DCAF1: variants seen among roughly 807,000 people sequenced by gnomAD.
The protein encoded by DCAF1 is DDB1- and CUL4-associated factor 1.
Under a neutral mutation model 128.0 loss-of-function variants are expected in DCAF1, and 15 were observed. That is an observed-to-expected ratio of 0.12 (90% CI 0.08 to 0.18). The LOEUF (loss-of-function observed/expected upper bound fraction) is 0.18. Ranked by LOEUF, DCAF1 falls within the 10% of genes least tolerant of loss-of-function variation. The pLI is 1.00. For missense variants in DCAF1, 988 were observed against 1,649.5 expected (o/e 0.60, Z 6.95); for synonymous variants, 610 against 603.0 (o/e 1.01, Z -0.17).
At chr3:51,486,811 TTTAGTAGAGATAGA>T (rs1460526566) in intron 2 of DCAF1, among the ~76,000 whole-genome samples, 1 of 151,848 alleles carries the variant, frequency 6.6e-6, no homozygotes, top group East Asian at 1.9e-4. Context: ...TTTTTGTATT[TTTAGTAGAGATAGA>T]GTTTCACCAT....
intron 2 of DCAF1, among the ~76,000 whole-genome samples, chr3:51,486,105 T>A (rs1010575050): frequency 5.9e-5 from 9 of 152,006 alleles, no homozygotes; most frequent in Admixed American, 5.3e-4. Flanking sequence ...TTAGCCAGGA[T>A]GGTCTCAATC....
Position 51,419,796 on chromosome 3 carries a change from T to C in DCAF1, c.3174A>G (p.Ala1058=). ...CCACCCCTCCATACTTTGGAAATGA[T>C]GCCCTGCGGTTTAGCCTTGACGTAA... ...INFTSRLNRR[A]SFPKYGGVDG... The change falls in exon 15 of 25, where the codon GCA becomes GCG. Residue 1058 remains alanine (A), a synonymous_variant. Transcript: ENST00000684031. 2 of 1,614,048 alleles carry C rather than the reference T, an allele frequency of 1.2e-6. No individual in the cohort carries two copies. Among genetic ancestry groups the C allele is most frequent in the South Asian group, 1.1e-5 (1 of 91,084 alleles).
intron 6 of DCAF1, among the ~76,000 whole-genome samples, chr3:51,448,642 A>G (rs1553640793): frequency 6.6e-6 from 1 of 152,220 alleles, no homozygotes; most frequent in Non-Finnish European, 1.5e-5. Flanking sequence ...TAAAGAGTAT[A>G]ATTCAGTAGG....
intron 22 of DCAF1, 95 bp from the exon 23 acceptor site, chr3:51,412,575 G>A: frequency 6.4e-7 from 1 of 1,559,470 alleles, no homozygotes; most frequent in East Asian, 2.3e-5. Context: ...CCTTGACCCT[G>A]TAATTATTAA....
At chr3:51,429,751 G>C (rs1293200423) in intron 11 of DCAF1, among the ~76,000 whole-genome samples, 2 of 151,948 alleles carry the variant, frequency 1.3e-5, no homozygotes, top group African/African-American at 4.8e-5. Flanking sequence ...AAAATGTACA[G>C]GAATAAAACT....
chr3:51,470,604 TTTAA>T (rs1385067500), intron 4 of DCAF1, among the ~76,000 whole-genome samples: 2 of 152,156 alleles, frequency 1.3e-5, no homozygotes, highest in African/African-American at 4.8e-5. Context: ...AATTTTTCTT[TTTAA>T]TTCTTTGTCA....
chr3:51,449,800 T>G (rs1245523930), intron 6 of DCAF1, among the ~76,000 whole-genome samples: 1 of 151,896 alleles, frequency 6.6e-6, no homozygotes, highest in African/African-American at 2.4e-5. Flanking sequence ...GCAACAGAAA[T>G]GAAACAGGCC....
At chr3:51,429,130 C>T in intron 12 of DCAF1, 131 bp downstream of exon 12, 1 of 626,074 alleles carries the variant, frequency 1.6e-6, no homozygotes, top group Non-Finnish European at 3.0e-6. Context: ...AATTGTTCTG[C>T]CTTCATACAG....
intron 3 of DCAF1, among the ~76,000 whole-genome samples, chr3:51,476,289 G>T (rs542322784): frequency 1.3e-5 from 2 of 151,828 alleles, no homozygotes; most frequent in Non-Finnish European, 2.9e-5. Context: ...TACTCAGGAG[G>T]CTGAGGCAGG....
At chr3:51,425,282 C>A (rs1553633825) in intron 13 of DCAF1, among the ~76,000 whole-genome samples, 1 of 152,008 alleles carries the variant, frequency 6.6e-6, no homozygotes. Context: ...ACCAGCCTGG[C>A]CAACATGGCA....
Position 51,403,263 on chromosome 3 carries a change from C to T in DCAF1, c.4345G>A (p.Asp1449Asn). The change falls in exon 24 of 25, where the codon GAT becomes AAT. Residue 1449 changes from aspartate to asparagine, a missense_variant. This residue lies in a region of DCAF1 where 97 missense variants were observed against 134.5 expected (regional missense o/e 0.72). Coordinates refer to ENST00000684031, the MANE Select transcript of DCAF1 (RefSeq NM_001387579.1). ...GAGGGAGAGAAGTCATTGTCCCCAT[C>T]TTCCCCTGCGTTCTCATTATTGTCG... is the stretch of plus-strand genomic sequence containing the variant. The part of the protein sequence containing the change: ...EDDNNENAGE[D>N]GDNDFSPSDE... 4 of 1,612,730 alleles carry T rather than the reference C, an allele frequency of 2.5e-6. No individual in the cohort carries two copies. Among genetic ancestry groups the T allele is most frequent in the Non-Finnish European group, 3.4e-6 (4 of 1,179,384 alleles).
intron 23 of DCAF1, among the ~76,000 whole-genome samples, chr3:51,404,521 C>T (rs566944095): frequency 4.1e-4 from 63 of 152,258 alleles, no homozygotes; most frequent in Middle Eastern, 3.4e-3. Context: ...CCACTAGAAA[C>T]CAGTGTGTAA....
chr3:51,430,166 G>A lies in DCAF1; in HGVS notation c.1334C>T (p.Thr445Ile), dbSNP rs372952570. Reference protein sequence around the residue: ...HNVLSDVVNYTLWLMECSHAS... With the variant: ...HNVLSDVVNYILWLMECSHAS... ...ATGAGAACACTCCATTAACCACAGG[G>A]TATAGTTCACCACATCAGACAGAAC... is the stretch of plus-strand genomic sequence containing the variant. Residue 445 changes from threonine (T) to isoleucine (I), a missense_variant, in exon 11 of 25, where the codon ACC becomes ATC. By Grantham distance (89) the Thr-to-Ile change is moderately conservative. Coordinates refer to ENST00000684031, the MANE Select transcript of DCAF1 (RefSeq NM_001387579.1). 1 of 780,830 alleles carries A rather than the reference G, an allele frequency of 1.3e-6. No homozygotes were observed. Among genetic ancestry groups the A allele is most frequent in the Non-Finnish European group, 2.4e-6 (1 of 417,976 alleles). 48.4% of individuals were successfully genotyped at this position (780,830 alleles called of 1,614,324 possible).
intron 18 of DCAF1, among the ~76,000 whole-genome samples, chr3:51,415,999 A>T (rs1698846721): frequency 6.6e-6 from 1 of 152,024 alleles, no homozygotes; most frequent in South Asian, 2.1e-4. Flanking sequence ...AGCCTCTACC[A>T]TGCCTACCCA....
rs1261116553 is a variant in DCAF1 at position 51,476,604 on chromosome 3, G to A, written c.111-5599C>T. ...AAAAAAAAAAAAAAAAAGGCCAGGCGTAGTGGCTCACGCCTGTAATCCCAG... is the reference window on the plus strand; with the variant it reads ...AAAAAAAAAAAAAAAAAGGCCAGGCATAGTGGCTCACGCCTGTAATCCCAG... On this transcript the variant is annotated intron_variant, in intron 3 of 24. Transcript: ENST00000684031. Among the ~76,000 whole-genome samples, 6 of 143,610 alleles carry A rather than the reference G, an allele frequency of 4.2e-5. No homozygotes were observed. The East Asian group carries it at 8.3e-4, about 20-fold the overall frequency. The allele number at this position is 143,610 out of a possible 152,430, so 94.2% of individuals were successfully genotyped here.
chr3:51,493,891 G>A (rs1553659481), intron 2 of DCAF1, among the ~76,000 whole-genome samples: 1 of 151,644 alleles, frequency 6.6e-6, no homozygotes, highest in Non-Finnish European at 1.5e-5. Context: ...TAGCTACTCA[G>A]GAGGCTGAGG....
rs1704565002 is a variant in DCAF1, at chr3:51,470,047, C to A, written c.187+882G>T. Among the ~76,000 whole-genome samples the A allele has an allele frequency of 2.6e-5, 4 of 151,666 alleles. No homozygotes were observed. The South Asian group carries it at 8.3e-4, about 32-fold the overall frequency. The stretch of plus-strand genomic sequence containing the variant: ...AAAAAAAATAATAATAATAAATAAG[C>A]CCAAAATAAACCAAATTAACACGAG... On this transcript the variant is annotated intron_variant, in intron 4 of 24. Transcript: ENST00000684031.
chr3:51,401,259 T>C (rs948855596), intron 24 of DCAF1, among the ~76,000 whole-genome samples: 1 of 151,132 alleles, frequency 6.6e-6, no homozygotes, highest in Non-Finnish European at 1.5e-5. Flanking sequence ...TGGGGGCGCA[T>C]GGGTGTGGTT....
chr3:51,456,300 C>T (rs1170884969), intron 6 of DCAF1, among the ~76,000 whole-genome samples: 1 of 152,226 alleles, frequency 6.6e-6, no homozygotes, highest in Non-Finnish European at 1.5e-5. Context: ...CACAGAGTCT[C>T]CCTCATTGCT....
Sources: gnomAD v4.1 joint callset for allele counts (sites outside exome capture counted in the v4.1 genomes callset) on GRCh38, gnomAD v4.1.1 for gene constraint, gnomAD v4.1.1 regional missense constraint, MANE v1.5 for transcripts, NCBI Gene and HGNC (gene_info 2026-07-23, HGNC 2026-07-21) for gene names.